MTO1: variants seen among roughly 807,000 people sequenced by gnomAD.
The protein encoded by MTO1 is mitochondrial tRNA translation optimization 1, also known as 5-taurinomethyluridine-[tRNA] synthase subunit MTO1, mitochondrial.
A neutral mutation model predicts 71.6 loss-of-function variants in MTO1; 46 were observed. That is an observed-to-expected ratio of 0.64 (90% CI 0.51 to 0.82). The LOEUF (loss-of-function observed/expected upper bound fraction) is 0.82. Among genes scored for constraint, MTO1 ranks in the 40% least tolerant of loss-of-function variants. MTO1 has a pLI of 0.00. For synonymous variants in MTO1, 297 were observed against 312.1 expected (o/e 0.95, Z 0.51); for missense variants, 773 against 867.5 (o/e 0.89, Z 1.37).
intron 9 of MTO1, among the ~76,000 whole-genome samples, chr6:73,484,431 A>T (rs1041539926): frequency 1.3e-5 from 2 of 152,102 alleles, no homozygotes. Flanking sequence ...TCACATAGCA[A>T]AAGGGCAAAA....
intron 9 of MTO1, among the ~76,000 whole-genome samples, chr6:73,491,320 C>G (rs1203741842): frequency 6.7e-6 from 1 of 148,998 alleles, no homozygotes; most frequent in South Asian, 2.1e-4. Flanking sequence ...CACAGTAGCT[C>G]ACTCATGTAA....
In MTO1 at chr6:73,477,393, C is replaced by CA. The variant is rs34672070; in HGVS notation, c.826-2317dup. On this transcript the variant is annotated intron_variant, in intron 4 of 11. Transcript: ENST00000498286. ...CCTGGGCAACAGCAAGACTATGTCT[C>CA]AAAAAAAAAAAAAAAAAAAAAAGAA... 2.7e-3 allele frequency among the ~76,000 whole-genome samples: 197 copies of CA among 73,096 alleles called. 2 individuals are homozygous for CA. Among genetic ancestry groups the CA allele is most frequent in the Non-Finnish European group, 3.4e-3 (134 of 39,144 alleles). The allele number at this position is 73,096 out of a possible 152,430, so 48.0% of individuals were successfully genotyped here.
In MTO1 at chr6:73,508,929, C is replaced by G. The variant is rs1380124385; in HGVS notation, c.*8194C>G. On this transcript the variant is annotated 3_prime_UTR_variant, in exon 12 of 12. Transcript: ENST00000498286. ...GCACCAATATAGCTGCACTGTTATA[C>G]CCATATGGTTACAATCCAGGCCTCA... 6.6e-6 allele frequency: 1 copy of G among 152,200 alleles called. No homozygotes were observed. Among genetic ancestry groups the G allele is most frequent in the African/African-American group, 2.4e-5 (1 of 41,446 alleles). The allele number at this position is 152,200 out of a possible 1,614,324, so 9.4% of individuals were successfully genotyped here.
chr6:73,466,748 A>T lies in MTO1; in HGVS notation c.535+142A>T, dbSNP rs1027718203. ...TCTACCTGGATGAGGAAAACTATATAAATAAATATGTTTCTCTTTTCATCT... is the reference window on the plus strand; with the variant it reads ...TCTACCTGGATGAGGAAAACTATATTAATAAATATGTTTCTCTTTTCATCT... On this transcript the variant is annotated intron_variant, in intron 3 of 11. Transcript: ENST00000498286. 4.5e-6 allele frequency: 3 copies of T among 666,220 alleles called. No individual in the cohort carries two copies. In the African/African-American group the frequency reaches 5.5e-5, roughly 12 times the overall value. The allele number at this position is 666,220 out of a possible 1,614,324, so 41.3% of individuals were successfully genotyped here.
Position 73,480,707 on chromosome 6 carries a change from C to G in MTO1, c.1162C>G (p.Arg388Gly). Residue 388 changes from arginine (R) to glycine (G), a missense_variant, in exon 7 of 12, where the codon CGT (arginine) becomes GGT (glycine). Physicochemically the swap from Arg to Gly is moderately radical, Grantham distance 125. Transcript: ENST00000498286. ...TGTTCAGTATGATTACTTAGATCCC[C>G]GTCAGATCACCCCTTCCTTGGAGAC... ...YGVQYDYLDPRQITPSLETHL... is the reference protein window; with the variant it reads ...YGVQYDYLDPGQITPSLETHL... 1 of 1,613,882 alleles carries G rather than the reference C, an allele frequency of 6.2e-7. No homozygotes were observed.
intron 6 of MTO1, chr6:73,480,355 C>A (rs774523498): frequency 1.5e-6 from 1 of 679,134 alleles, no homozygotes; most frequent in South Asian, 1.5e-5. Flanking sequence ...TCACCACAAC[C>A]TCCCCCTGCC....
rs1187944888 is a variant in MTO1, at chr6:73,500,621, C to T, written c.1965C>T (p.Ile655=). 6.2e-7 allele frequency: 1 copy of T among 1,613,934 alleles called. No homozygotes were observed. Among genetic ancestry groups the T allele is most frequent in the African/African-American group, 1.3e-5 (1 of 74,926 alleles). Residue 655 remains isoleucine (I), a synonymous_variant, in exon 12 of 12, where the codon ATC becomes ATT. Transcript: ENST00000498286. Reference sequence around the variant, plus strand: ...CCGGAGTAACACCTGCCGCCATCATCAATCTGCTGAGATTTGTGAAGACCA... The same window carrying T: ...CCGGAGTAACACCTGCCGCCATCATTAATCTGCTGAGATTTGTGAAGACCA... The part of the protein sequence containing the change: ...RIPGVTPAAI[I]NLLRFVKTTQ...
intron 7 of MTO1, among the ~76,000 whole-genome samples, chr6:73,481,839 A>G (rs756700194): frequency 1.3e-5 from 2 of 152,116 alleles, no homozygotes; most frequent in African/African-American, 2.4e-5. Context: ...TCTGAAAACA[A>G]TGAATCATAG....
At chr6:73,489,712 G>T (rs551068046) in intron 9 of MTO1, among the ~76,000 whole-genome samples, 4 of 152,030 alleles carry the variant, frequency 2.6e-5, no homozygotes, top group Non-Finnish European at 4.4e-5. Context: ...TGGTTCCAAG[G>T]CTTTGCTATT....
At chr6:73,479,661 G>T in intron 4 of MTO1, 71 bp from the exon 5 acceptor site, 1 of 1,244,100 alleles carries the variant, frequency 8.0e-7, no homozygotes, top group Non-Finnish European at 1.2e-6. Flanking sequence ...CGTATCATGT[G>T]GAATTTATTT....
chr6:73,492,383 T>C (rs753637831), intron 10 of MTO1, 31 bp downstream of exon 10: 6 of 1,373,774 alleles, frequency 4.4e-6, no homozygotes, highest in African/African-American at 4.3e-5. Flanking sequence ...TAACATACCT[T>C]TATCATATGT....
chr6:73,484,731 G>T (rs1771603870), intron 9 of MTO1, among the ~76,000 whole-genome samples: 1 of 151,886 alleles, frequency 6.6e-6, no homozygotes, highest in African/African-American at 2.4e-5. Flanking sequence ...AATTTAGGAG[G>T]GTTCACATTA....
At chr6:73,471,092 A>G (rs575153015) in intron 3 of MTO1, among the ~76,000 whole-genome samples, 2 of 151,780 alleles carry the variant, frequency 1.3e-5, no homozygotes, top group South Asian at 2.1e-4. Context: ...ATGCATATGT[A>G]TATGTATTTT....
chr6:73,478,844 A>G lies in MTO1; in HGVS notation c.826-888A>G, dbSNP rs1404972018. On this transcript the variant is annotated intron_variant, in intron 4 of 11. Transcript: ENST00000498286. ...GGCGTGAGCCACGGCGCCCAGCCCA[A>G]ACAAAGCAAGGAGTCCCTGGGTGGG... 7.3e-5 allele frequency among the ~76,000 whole-genome samples: 11 copies of G among 151,394 alleles called. No individual in the cohort carries two copies. In the South Asian group the frequency reaches 1.7e-3, roughly 23 times the overall value.
At chr6:73,476,203 A>AAATAAAAAAAAAAT (rs6149640) in intron 4 of MTO1, among the ~76,000 whole-genome samples, 9,188 of 149,914 alleles carry the variant, frequency 0.061, 390 homozygotes, top group East Asian at 0.18. Flanking sequence ...TCCCTACTAA[A>AAATAAAAAAAAAAT]AATAAAAAAA....
intron 9 of MTO1, among the ~76,000 whole-genome samples, chr6:73,485,829 C>T (rs1477188484): frequency 6.6e-6 from 1 of 152,230 alleles, no homozygotes; most frequent in East Asian, 1.9e-4. Context: ...ACACTTGCTG[C>T]ATACATGCCA....
chr6:73,490,726 A>AG (rs574408833), intron 9 of MTO1, among the ~76,000 whole-genome samples: 13 of 152,066 alleles, frequency 8.5e-5, no homozygotes, highest in African/African-American at 2.9e-4. Context: ...CTATTTCTAA[A>AG]AAAAAAAAGC....
rs1489612383 is a variant in MTO1, at chr6:73,466,754, A to G, written c.535+148A>G. ...TGGATGAGGAAAACTATATAAATAA[A>G]TATGTTTCTCTTTTCATCTTGGCAT... On this transcript the variant is annotated intron_variant, in intron 3 of 11. Coordinates refer to ENST00000498286, the MANE Select transcript of MTO1 (RefSeq NM_012123.4). 1.4e-5 allele frequency: 9 copies of G among 654,266 alleles called. No homozygotes were observed. The East Asian group carries it at 2.2e-4, about 16-fold the overall frequency. 40.5% of individuals were successfully genotyped at this position (654,266 alleles called of 1,614,324 possible). A position where few individuals can be genotyped will look rare whatever the true frequency, so the allele number is the denominator to read the frequency against.
At chr6:73,479,888 T>C in intron 5 of MTO1, 44 bp downstream of exon 5, 2 of 1,604,092 alleles carry the variant, frequency 1.2e-6, no homozygotes, top group South Asian at 2.2e-5. Flanking sequence ...AGGAATGACG[T>C]CAATCCTCTT....
Sources: gnomAD v4.1 joint callset for allele counts (sites outside exome capture counted in the v4.1 genomes callset) on GRCh38, gnomAD v4.1.1 for gene constraint, MANE v1.5 for transcripts, NCBI Gene and HGNC (gene_info 2026-07-23, HGNC 2026-07-21) for gene names.